F11: variants seen among roughly 807,000 people sequenced by gnomAD.
F11 encodes coagulation factor XI.
A neutral mutation model predicts 76.5 loss-of-function variants in F11; 78 were observed. That is an observed-to-expected ratio of 1.02 (90% CI 0.85 to 1.23). F11 has a LOEUF of 1.23. Among genes scored for constraint, F11 ranks in the 50% most tolerant of loss-of-function variants. F11 has a pLI of 0.00. For missense variants in F11, 742 were observed against 771.4 expected, an observed-to-expected ratio of 0.96 and a Z score of 0.45; for synonymous variants, 278 against 276.3, an observed-to-expected ratio of 1.01 and a Z score of -0.06.
intron 4 of F11, 79 bp from the exon 5 acceptor site, chr4:186,274,037 A>G: frequency 1.3e-6 from 2 of 1,531,050 alleles, no homozygotes; most frequent in Non-Finnish European, 1.8e-6. Context: ...AGTTGAAAGG[A>G]TGAGTCAGGA....
chr4:186,267,085 T>C (rs1580059693), intron 1 of F11, 51 bp from the exon 2 acceptor site: 3 of 1,221,340 alleles, frequency 2.5e-6, no homozygotes, highest in Non-Finnish European at 3.6e-6. Context: ...GTAAACTAAT[T>C]ATAAATTTAC....
Position 186,280,383 on chromosome 4 carries a change from G to A in F11, c.1026G>A (p.Gly342=). 1 of 1,614,222 alleles carries A rather than the reference G, an allele frequency of 6.2e-7. No individual in the cohort carries two copies. Among genetic ancestry groups the A allele is most frequent in the Non-Finnish European group, 8.5e-7 (1 of 1,180,040 alleles). ...CAGCCCAAGCATCCTGCAACGAAGG[G>A]AAGTAAGCCATATGAAGGGTTATGC... The part of the protein sequence containing the change: ...YTPAQASCNE[G]KGKCYLKLSS... Residue 342 remains glycine (G), a splice_region_variant and synonymous_variant, in exon 9 of 15, where the codon GGG becomes GGA. Coordinates refer to ENST00000403665, the MANE Select transcript of F11 (RefSeq NM_000128.4).
Position 186,276,337 on chromosome 4 carries a change from C to G in F11, c.702C>G (p.Pro234=), listed in dbSNP as rs758727357. ...GTGGCCGAATCTGCACTCATCATCC[C>G]GGTTGCTTGTTTTTTACCTTCTTTT... ...FVCGRICTHH[P]GCLFFTFFSQ... The change falls in exon 7 of 15, where the codon CCC becomes CCG. Residue 234 remains proline, a synonymous_variant. Transcript: ENST00000403665. The G allele has an allele frequency of 1.2e-6, 2 of 1,613,938 alleles. No individual in the cohort carries two copies. The highest frequency in any genetic ancestry group is 2.7e-5 in the African/African-American group (2 of 74,868).
At chr4:186,286,793 C>T (rs1336381053) in intron 13 of F11, 7 of 826,110 alleles carry the variant, frequency 8.5e-6, no homozygotes, top group Admixed American at 6.2e-5. Context: ...GCCTGCTATC[C>T]AATTACTTTC....
In F11 at chr4:186,280,486, C is replaced by G. The variant is rs765802256; in HGVS notation, c.1041C>G (p.Tyr347Ter). ...ASCNEGKGKC[Y>*]LKLSSNGSPT... is the part of the protein sequence containing the mutation. ...TTTCCAACTGCAGGGGCAAGTGTTA[C>G]TTAAAGCTTTCTTCAAACGGATCTC... Residue 347 changes from tyrosine (Y) to a stop codon, truncating the protein, a stop_gained, in exon 10 of 15, where the codon TAC (tyrosine) becomes TAG (stop). Coordinates refer to ENST00000403665, the MANE Select transcript of F11 (RefSeq NM_000128.4). LOFTEE classifies it high-confidence loss of function. 1.2e-6 allele frequency: 2 copies of G among 1,614,080 alleles called. No homozygotes were observed. Among genetic ancestry groups the G allele is most frequent in the Admixed American group, 1.7e-5 (1 of 60,004 alleles).
In F11 at chr4:186,284,111, G is replaced by A; in HGVS notation, c.1155G>A (p.Lys385=). The A allele has an allele frequency of 1.2e-6, 2 of 1,614,222 alleles. No homozygotes were observed. Among genetic ancestry groups the A allele is most frequent in the South Asian group, 1.1e-5 (1 of 91,086 alleles). ...KMDNECTTKI[K]PRIVGGTASV... Reference sequence around the variant, plus strand: ...TTGCAGAGTGTACCACCAAAATCAAGCCCAGGATCGTTGGAGGAACTGCGT... The same window carrying A: ...TTGCAGAGTGTACCACCAAAATCAAACCCAGGATCGTTGGAGGAACTGCGT... The change falls in exon 11 of 15, where the codon AAG becomes AAA. Residue 385 remains lysine (K), a synonymous_variant. Transcript: ENST00000403665.
At chr4:186,286,217 G>T (rs1315735570) in intron 12 of F11, 198 bp from the exon 13 acceptor site, 1 of 581,476 alleles carries the variant, frequency 1.7e-6, no homozygotes, top group African/African-American at 1.9e-5. Context: ...GGTGAGGCTT[G>T]TCTCTCTCTC....
At chr4:186,283,026 G>T in intron 10 of F11, 1 of 985,270 alleles carries the variant, frequency 1.0e-6, no homozygotes, top group Non-Finnish European at 1.2e-6. Context: ...CTCAGGACGC[G>T]GAGCCTTCTG....
chr4:186,283,398 C>T (rs1323450377), intron 10 of F11, among the ~76,000 whole-genome samples: 1 of 152,052 alleles, frequency 6.6e-6, no homozygotes, highest in Non-Finnish European at 1.5e-5. Flanking sequence ...TCTAGGCAGC[C>T]CCAAGAGAAA....
At chr4:186,271,895 A>G (rs778351784) in intron 3 of F11, 124 bp downstream of exon 3, 8 of 1,131,682 alleles carry the variant, frequency 7.1e-6, no homozygotes, top group Middle Eastern at 2.2e-4. Flanking sequence ...ATTGTCTTTC[A>G]GTTGAAATAT....
chr4:186,287,828 C>T lies in F11; in HGVS notation c.1716+5C>T, dbSNP rs1343460456. 3.7e-6 allele frequency: 6 copies of T among 1,611,482 alleles called. No homozygotes were observed. The highest frequency in any genetic ancestry group is 1.3e-5 in the African/African-American group (1 of 74,754). ...GGAGGGAAGGACGCTTGCAAGGTAACAGAGTGTTCTTAGCCAATGGAATAT... is the reference window on the plus strand; with the variant it reads ...GGAGGGAAGGACGCTTGCAAGGTAATAGAGTGTTCTTAGCCAATGGAATAT... On this transcript the variant is annotated splice_donor_5th_base_variant and intron_variant, in intron 14 of 14. Transcript: ENST00000403665.
intron 2 of F11, among the ~76,000 whole-genome samples, chr4:186,270,485 G>A (rs984047462): frequency 3.3e-5 from 5 of 151,978 alleles, no homozygotes; most frequent in African/African-American, 7.3e-5. Context: ...GGCTTTTGGT[G>A]TACCCATCAC....
chr4:186,267,842 TGCTG>T (rs911715725), intron 2 of F11, among the ~76,000 whole-genome samples: 3 of 152,218 alleles, frequency 2.0e-5, no homozygotes, highest in Non-Finnish European at 2.9e-5. Flanking sequence ...AAATTCTTTT[TGCTG>T]GCCTATGTGA....
In F11 at chr4:186,289,506, G is replaced by T. The variant is rs1346634746; in HGVS notation, c.*892G>T. On this transcript the variant is annotated 3_prime_UTR_variant, in exon 15 of 15. Coordinates refer to ENST00000403665, the MANE Select transcript of F11 (RefSeq NM_000128.4). Reference sequence around the variant, plus strand: ...AGAAAAAACAATTAGGGCGCAAATGGATAGTTACAGTAAAGTCTTCAGCAA... The same window carrying T: ...AGAAAAAACAATTAGGGCGCAAATGTATAGTTACAGTAAAGTCTTCAGCAA... Among the ~76,000 whole-genome samples, 1 of 152,126 alleles carries T rather than the reference G, an allele frequency of 6.6e-6. No individual in the cohort carries two copies. The highest frequency in any genetic ancestry group is 1.5e-5 in the Non-Finnish European group (1 of 68,034).
At chr4:186,285,969 C>T (rs936271148) in intron 12 of F11, 156 bp downstream of exon 12, 12 of 829,418 alleles carry the variant, frequency 1.4e-5, no homozygotes, top group Non-Finnish European at 2.2e-5. Context: ...TCTGCTAAGG[C>T]TGACACACTT....
chr4:186,284,415 G>A (rs1378082157), intron 11 of F11, among the ~76,000 whole-genome samples, 155 bp downstream of exon 11: 1 of 152,172 alleles, frequency 6.6e-6, no homozygotes, highest in Non-Finnish European at 1.5e-5. Context: ...AAAAGGAAGA[G>A]CTCATGGTCT....
Position 186,287,691 on chromosome 4 carries a change from A to T in F11, c.1584A>T (p.Ile528=), listed in dbSNP as rs1377958778. The part of the protein sequence containing the change: ...GWGYRKLRDK[I]QNTLQKAKIP... ...CAAAAAAATTTTTTTCAGACAAAAT[A>T]CAAAATACTCTCCAGAAAGCCAAGA... The change falls in exon 14 of 15, where the codon ATA becomes ATT. Residue 528 remains isoleucine, a synonymous_variant. Coordinates refer to ENST00000403665, the MANE Select transcript of F11 (RefSeq NM_000128.4). 6.2e-7 allele frequency: 1 copy of T among 1,611,634 alleles called. No homozygotes were observed. The highest frequency in any genetic ancestry group is 1.1e-5 in the South Asian group (1 of 91,034).
chr4:186,273,693 T>C (rs1313735473), intron 4 of F11, among the ~76,000 whole-genome samples: 1 of 152,214 alleles, frequency 6.6e-6, no homozygotes, highest in Non-Finnish European at 1.5e-5. Context: ...CCTCAAGTGA[T>C]CTGCCCGCCT....
In F11 at chr4:186,288,486, A is replaced by G. The variant is rs761466304; in HGVS notation, c.1750A>G (p.Asn584Asp). ...GGGAGGCCCTCTGTCCTGCAAACAC[A>G]ATGAGGTCTGGCATCTGGTAGGCAT... ...DSGGPLSCKH[N>D]EVWHLVGITS... is the part of the protein sequence containing the mutation. Residue 584 changes from asparagine to aspartate, a missense_variant, in exon 15 of 15, where the codon AAT (asparagine) becomes GAT (aspartate). Coordinates refer to ENST00000403665, the MANE Select transcript of F11 (RefSeq NM_000128.4). 1 of 1,614,000 alleles carries G rather than the reference A, an allele frequency of 6.2e-7. No homozygotes were observed. Among genetic ancestry groups the G allele is most frequent in the East Asian group, 2.2e-5 (1 of 44,880 alleles).
Sources: allele counts gnomAD v4.1 joint callset (sites outside exome capture counted in the v4.1 genomes callset), GRCh38; gene constraint gnomAD v4.1.1; transcripts MANE v1.5; gene names NCBI Gene and HGNC (gene_info 2026-07-23, HGNC 2026-07-21).